MED13L: variants seen among roughly 807,000 people sequenced by gnomAD.
MED13L encodes mediator of RNA polymerase II transcription subunit 13-like.
MED13L carries 7 observed loss-of-function variants against 220.9 expected under a neutral mutation model. That is an observed-to-expected ratio of 0.03 (90% CI 0.02 to 0.06). MED13L has a LOEUF of 0.06. Among genes scored for constraint, MED13L ranks in the 10% least tolerant of loss-of-function variants. The pLI is 1.00. For synonymous variants in MED13L, 1,011 were observed against 1,015.2 expected (o/e 1.00, Z 0.08); for missense variants, 1,965 against 2,760.5 (o/e 0.71, Z 6.46).
At chr12:116,174,033 G>T (rs1484182002) in intron 2 of MED13L, among the ~76,000 whole-genome samples, 1 of 152,160 alleles carries the variant, frequency 6.6e-6, no homozygotes, top group Non-Finnish European at 1.5e-5. Context: ...GTCCAAGGCT[G>T]CAATGAGCTA....
At chr12:116,145,265 T>C (rs1877380128) in intron 2 of MED13L, among the ~76,000 whole-genome samples, 1 of 152,156 alleles carries the variant, frequency 6.6e-6, no homozygotes, top group African/African-American at 2.4e-5. Context: ...TCTATGCACA[T>C]CACTACATAT....
chr12:116,125,788 T>A (rs867519461), intron 2 of MED13L, among the ~76,000 whole-genome samples: 18 of 152,220 alleles, frequency 1.2e-4, no homozygotes, highest in African/African-American at 4.3e-4. Context: ...ATAAAACATG[T>A]CACCACACAT....
chr12:116,143,368 A>AGAAT (rs1248538417), intron 2 of MED13L, among the ~76,000 whole-genome samples: 1 of 152,010 alleles, frequency 6.6e-6, no homozygotes, highest in Non-Finnish European at 1.5e-5. Context: ...AGAAAAAGAA[A>AGAAT]GAATGAATGA....
At chr12:116,191,470 A>G (rs2138267514) in intron 2 of MED13L, among the ~76,000 whole-genome samples, 1 of 152,108 alleles carries the variant, frequency 6.6e-6, no homozygotes, top group Admixed American at 6.5e-5. Context: ...GGCTGGGATT[A>G]CAGGCGCCCG....
intron 19 of MED13L, among the ~76,000 whole-genome samples, chr12:115,985,761 T>C (rs1366182214): frequency 6.6e-6 from 1 of 152,214 alleles, no homozygotes; most frequent in African/African-American, 2.4e-5. Flanking sequence ...AAAGTTTCAG[T>C]ATTAAGATGT....
chr12:116,254,326 T>G (rs1010952082), intron 1 of MED13L, among the ~76,000 whole-genome samples: 2 of 151,970 alleles, frequency 1.3e-5, no homozygotes, highest in African/African-American at 4.8e-5. Context: ...ATCACGTACG[T>G]TTTTTAAAAT....
chr12:116,149,581 C>T (rs952538281), intron 2 of MED13L, among the ~76,000 whole-genome samples: 5 of 152,192 alleles, frequency 3.3e-5, no homozygotes, highest in African/African-American at 9.7e-5. Flanking sequence ...AAAACAGTAT[C>T]CGGTATTTGT....
intron 2 of MED13L, among the ~76,000 whole-genome samples, chr12:116,176,961 T>G (rs1437506251): frequency 1.3e-5 from 2 of 151,060 alleles, no homozygotes; most frequent in African/African-American, 4.9e-5. Flanking sequence ...ATACACTCCC[T>G]CATCCTCAAA....
chr12:116,102,710 CTTT>C (rs869201518), intron 3 of MED13L, among the ~76,000 whole-genome samples: 152 of 68,600 alleles, frequency 2.2e-3, no homozygotes, highest in Non-Finnish European at 3.6e-3. Context: ...TTTCTTTTTT[CTTT>C]TTTTTTTTTT....
At chr12:116,227,004 T>C (rs1034232235) in intron 2 of MED13L, among the ~76,000 whole-genome samples, 4 of 151,960 alleles carry the variant, frequency 2.6e-5, no homozygotes, top group Non-Finnish European at 4.4e-5. Flanking sequence ...TAGCTGAGTA[T>C]ATCAAGTTTT....
In MED13L at chr12:115,961,075, AGT is replaced by A. The variant is rs1875726096; in HGVS notation, c.*189_*190del. 3 of 748,706 alleles carry A rather than the reference AGT, an allele frequency of 4.0e-6. No individual in the cohort carries two copies. The Admixed American group carries it at 6.5e-5, about 16-fold the overall frequency. 46.4% of individuals were successfully genotyped at this position (748,706 alleles called of 1,614,324 possible). On this transcript the variant is annotated 3_prime_UTR_variant, in exon 31 of 31. Transcript: ENST00000281928. ...TGGAAGTTTCCAGGTCCATGAGAGA[AGT>A]GTCAAGGAGTCACTCTGGTAATGAA...
At chr12:115,996,770 C>T in intron 15 of MED13L, 89 bp from the exon 16 acceptor site, 3 of 1,220,632 alleles carry the variant, frequency 2.5e-6, no homozygotes, top group Non-Finnish European at 3.6e-6. Context: ...AAACAGCAAC[C>T]AAAATGATCG....
At chr12:116,206,160 G>A (rs1164418070) in intron 2 of MED13L, among the ~76,000 whole-genome samples, 1 of 139,624 alleles carries the variant, frequency 7.2e-6, no homozygotes, top group Non-Finnish European at 1.5e-5. Flanking sequence ...GGCTCACTGC[G>A]ACCTCCTCCT....
Position 115,983,216 on chromosome 12 carries a change from C to A in MED13L, c.4856G>T (p.Gly1619Val). 6.2e-7 allele frequency: 1 copy of A among 1,614,112 alleles called. No homozygotes were observed. Among genetic ancestry groups the A allele is most frequent in the East Asian group, 2.2e-5 (1 of 44,874 alleles). ...TTGCGTTCTATCCGCAGAAATGCCC[C>A]CAGTGCTGGGGTTCTGCCCTCCAAC... is the stretch of plus-strand genomic sequence containing the variant. ...GSVGGQNPST[G>V]GISADRTQGN... The change falls in exon 21 of 31, where the codon GGG becomes GTG. Residue 1619 changes from glycine (G) to valine (V), a missense_variant. Around this residue, in one of 10 missense-constraint regions of MED13L, gnomAD observed 510 missense variants for 620.4 expected, o/e 0.82. Coordinates refer to ENST00000281928, the MANE Select transcript of MED13L (RefSeq NM_015335.5).
intron 4 of MED13L, among the ~76,000 whole-genome samples, chr12:116,024,773 C>CGGGGGGGGG (rs796599611): frequency 1.4e-3 from 7 of 5,084 alleles, no homozygotes; most frequent in East Asian, 4.1e-3. Flanking sequence ...TTTGGCGGGG[C>CGGGGGGGGG]GGGGGGGGGG....
rs1403031208 is a variant in MED13L at position 115,966,090 on chromosome 12, A to C, written c.6379T>G (p.Phe2127Val). 6.2e-7 allele frequency: 1 copy of C among 1,614,060 alleles called. No homozygotes were observed. Among genetic ancestry groups the C allele is most frequent in the African/African-American group, 1.3e-5 (1 of 74,934 alleles). The change falls in exon 29 of 31, where the codon TTC (phenylalanine) becomes GTC (valine). Residue 2127 changes from phenylalanine (F) to valine (V), a missense_variant. Coordinates refer to ENST00000281928, the MANE Select transcript of MED13L (RefSeq NM_015335.5). ...TATGACACCAAACCAACCTTTAAGAAGAGAGGGCACTGGTTTTGAGCCTGG... is the reference window on the plus strand; with the variant it reads ...TATGACACCAAACCAACCTTTAAGACGAGAGGGCACTGGTTTTGAGCCTGG... ...CPQAQNQCPL[F>V]LKASLHHHIS...
chr12:116,013,810 G>A (rs1879563330), intron 8 of MED13L, among the ~76,000 whole-genome samples: 1 of 152,176 alleles, frequency 6.6e-6, no homozygotes, highest in Non-Finnish European at 1.5e-5. Flanking sequence ...GGCTCTACAG[G>A]GAGTTCTCCC....
At chr12:116,143,930 A>C in intron 2 of MED13L, among the ~76,000 whole-genome samples, 1 of 152,176 alleles carries the variant, frequency 6.6e-6, no homozygotes, top group Admixed American at 6.5e-5. Context: ...GCTAAAAGAG[A>C]CCACACACTG....
At chr12:116,093,343 A>T (rs1462457281) in intron 4 of MED13L, among the ~76,000 whole-genome samples, 1 of 152,170 alleles carries the variant, frequency 6.6e-6, no homozygotes, top group East Asian at 1.9e-4. Context: ...AGAAAAAATT[A>T]TATTGAATGA....
Sources: allele counts gnomAD v4.1 joint callset (sites outside exome capture counted in the v4.1 genomes callset), GRCh38; gene constraint gnomAD v4.1.1; regional missense constraint gnomAD v4.1.1; transcripts MANE v1.5; gene names NCBI Gene and HGNC (gene_info 2026-07-23, HGNC 2026-07-21).